Variants in TMEM108 observed in about 807,000 individuals in gnomAD.
The protein encoded by TMEM108 is transmembrane protein 108, also known as cancer/testis antigen 124.
A neutral mutation model predicts 35.1 loss-of-function variants in TMEM108; 12 were observed. That is an observed-to-expected ratio of 0.34 (90% CI 0.22 to 0.55). TMEM108 has a LOEUF of 0.55. Among genes scored for constraint, TMEM108 ranks in the 20% least tolerant of loss-of-function variants. The probability of loss-of-function intolerance (pLI) is 0.89; values close to 1 mark genes in which losing one functional copy is unlikely to be tolerated. For synonymous variants in TMEM108, 287 were observed against 308.6 expected (o/e 0.93, Z 0.73); for missense variants, 680 against 753.3 (o/e 0.90, Z 1.14).
At position 133,139,307 on chromosome 3, in the gene TMEM108, A is replaced by G. The variant is rs968318251; in HGVS notation, c.-46-89959A>G. 1.8e-4 allele frequency among the ~76,000 whole-genome samples: 27 copies of G among 152,154 alleles called. 1 individual carries two copies. Among genetic ancestry groups the G allele is most frequent in the Admixed American group, 9.8e-4 (15 of 15,270 alleles). On this transcript the variant is annotated intron_variant, in intron 2 of 5. Transcript: ENST00000321871. The stretch of plus-strand genomic sequence containing the variant: ...ATGGGATTGCTGGGTCAATCTATCT[A>G]TCTGACAAAGGGATAATATCCAGAA...
chr3:133,376,710 C>T (rs1203320067), intron 3 of TMEM108, among the ~76,000 whole-genome samples: 1 of 152,196 alleles, frequency 6.6e-6, no homozygotes, highest in Non-Finnish European at 1.5e-5. Flanking sequence ...TGGACCAGCT[C>T]ATAACCTGCC....
intron 2 of TMEM108, among the ~76,000 whole-genome samples, chr3:133,068,346 A>T (rs1008158501): frequency 1.3e-5 from 2 of 152,108 alleles, no homozygotes; most frequent in African/African-American, 4.8e-5. Flanking sequence ...GAGAGAAGGA[A>T]ACAGAGGCAG....
intron 2 of TMEM108, among the ~76,000 whole-genome samples, chr3:133,064,023 T>G (rs1943566748): frequency 2.0e-5 from 3 of 152,208 alleles, no homozygotes; most frequent in Non-Finnish European, 4.4e-5. Context: ...CTTCATTCAT[T>G]TATTGCTTCT....
At chr3:133,115,400 A>T (rs1339293753) in intron 2 of TMEM108, among the ~76,000 whole-genome samples, 1 of 152,210 alleles carries the variant, frequency 6.6e-6, no homozygotes, top group Non-Finnish European at 1.5e-5. Context: ...GATTACGTGG[A>T]ACTATTTAAT....
chr3:133,282,817 A>T (rs1946933666), intron 3 of TMEM108, among the ~76,000 whole-genome samples: 1 of 152,378 alleles, frequency 6.6e-6, no homozygotes, highest in South Asian at 2.1e-4. Context: ...GCTCATAAAG[A>T]AAGAAATTAT....
chr3:133,151,580 C>T (rs1038416627), intron 2 of TMEM108, among the ~76,000 whole-genome samples: 2 of 151,798 alleles, frequency 1.3e-5, no homozygotes, highest in East Asian at 1.9e-4. Context: ...AGGAGGAACT[C>T]GAGGGGAAAA....
At chr3:133,372,070 T>A (rs2072693000) in intron 3 of TMEM108, among the ~76,000 whole-genome samples, 1 of 152,194 alleles carries the variant, frequency 6.6e-6, no homozygotes, top group African/African-American at 2.4e-5. Flanking sequence ...CCAAGTTGAA[T>A]CAAATGACTA....
chr3:133,241,647 C>T lies in TMEM108; in HGVS notation c.40+12296C>T, dbSNP rs117610907. Among the ~76,000 whole-genome samples, 80 of 114,720 alleles carry T rather than the reference C, an allele frequency of 7.0e-4. No homozygotes were observed. In the East Asian group the frequency reaches 0.019, roughly 28 times the overall value. The allele number at this position is 114,720 out of a possible 152,430, so 75.3% of individuals were successfully genotyped here. On this transcript the variant is annotated intron_variant, in intron 3 of 5. Coordinates refer to ENST00000321871, the MANE Select transcript of TMEM108 (RefSeq NM_023943.4). ...TTTTTTTTTTTGAGACAGAATTTCG[C>T]TCTTTTTGTCCAGGCTGGAGTACAA...
chr3:133,227,241 G>A (rs1377492838), intron 2 of TMEM108, among the ~76,000 whole-genome samples: 3 of 133,176 alleles, frequency 2.3e-5, no homozygotes, highest in African/African-American at 8.5e-5. Context: ...CGCCCAGGCT[G>A]GAGTGCAGTG....
chr3:133,318,920 C>CAAAAAA (rs58513827), intron 3 of TMEM108, among the ~76,000 whole-genome samples: 65,764 of 135,998 alleles, frequency 0.48, 17,896 homozygotes, highest in East Asian at 0.85. Context: ...GCGAGATAGG[C>CAAAAAA]AAAAAAAAAA....
At chr3:133,333,663 A>G (rs1222813066) in intron 3 of TMEM108, among the ~76,000 whole-genome samples, 1 of 152,250 alleles carries the variant, frequency 6.6e-6, no homozygotes, top group Non-Finnish European at 1.5e-5. Flanking sequence ...TTAAGAGTTG[A>G]AATAGAGAAG....
intron 2 of TMEM108, among the ~76,000 whole-genome samples, chr3:133,181,028 A>AAAAAAAAAAAAC (rs1945334563): frequency 6.9e-6 from 1 of 144,770 alleles, no homozygotes; most frequent in Non-Finnish European, 1.5e-5. Context: ...AAAAAAAAAA[A>AAAAAAAAAAAAC]AAAAAAAAAA....
At chr3:133,123,173 C>T (rs1944375038) in intron 2 of TMEM108, among the ~76,000 whole-genome samples, 1 of 152,140 alleles carries the variant, frequency 6.6e-6, no homozygotes, top group Admixed American at 6.6e-5. Flanking sequence ...TGTATAAATC[C>T]ATTTCATTTT....
At chr3:133,106,175 GTTTTTTT>G (rs745343008) in intron 2 of TMEM108, among the ~76,000 whole-genome samples, 7 of 89,694 alleles carry the variant, frequency 7.8e-5, no homozygotes, top group Non-Finnish European at 1.1e-4. Context: ...GAGGTTAAAG[GTTTTTTT>G]TTTTTTTTTT....
intron 1 of TMEM108, among the ~76,000 whole-genome samples, chr3:133,042,558 C>T (rs1465578400): frequency 6.6e-6 from 1 of 152,252 alleles, no homozygotes; most frequent in Middle Eastern, 3.4e-3. Flanking sequence ...TTTCTGAAGA[C>T]TAAAAATTAT....
intron 2 of TMEM108, among the ~76,000 whole-genome samples, chr3:133,179,646 G>A (rs1377540110): frequency 6.6e-6 from 1 of 151,890 alleles, no homozygotes; most frequent in Non-Finnish European, 1.5e-5. Flanking sequence ...TCACACACTG[G>A]GGCCTGTTGT....
At position 133,065,403 on chromosome 3, in the gene TMEM108, G is replaced by C. The variant is rs560046190; in HGVS notation, c.-47+19383G>C. On this transcript the variant is annotated intron_variant, in intron 2 of 5. Transcript: ENST00000321871. Reference sequence around the variant, plus strand: ...CCATTACAGAAGAATGCCTTTCCCAGCTATGGTAAATAAGTGCGGTTAGTC... The same window carrying C: ...CCATTACAGAAGAATGCCTTTCCCACCTATGGTAAATAAGTGCGGTTAGTC... Among the ~76,000 whole-genome samples the C allele has an allele frequency of 5.3e-5, 8 of 152,220 alleles. No homozygotes were observed. In the East Asian group the frequency reaches 1.5e-3, roughly 29 times the overall value.
At chr3:133,232,642 G>T (rs1040833956) in intron 3 of TMEM108, among the ~76,000 whole-genome samples, 4 of 152,220 alleles carry the variant, frequency 2.6e-5, no homozygotes, top group African/African-American at 7.2e-5. Context: ...ACTGAGGCTT[G>T]TATGTGCCCA....
intron 3 of TMEM108, among the ~76,000 whole-genome samples, chr3:133,353,063 C>A (rs565791611): frequency 7.2e-5 from 11 of 152,222 alleles, no homozygotes; most frequent in Admixed American, 3.3e-4. Flanking sequence ...CAGGCAGAGA[C>A]CAAATATATA....
Sources: gnomAD v4.1 joint callset for allele counts (sites outside exome capture counted in the v4.1 genomes callset) on GRCh38, gnomAD v4.1.1 for gene constraint, MANE v1.5 for transcripts, NCBI Gene and HGNC (gene_info 2026-07-23, HGNC 2026-07-21) for gene names.